The following ARPP19 variants were observed in gnomAD, a reference collection of about 807,000 sequenced individuals.
The protein encoded by ARPP19 is cAMP-regulated phosphoprotein 19.
Under a neutral mutation model 12.0 loss-of-function variants are expected in ARPP19, and 8 were observed. The ratio of observed to expected loss-of-function variants is 0.67; its 90% CI spans 0.39 to 1.21. The LOEUF (loss-of-function observed/expected upper bound fraction) is 1.21, where lower values mean the gene tolerates loss of function less well. Ranked by LOEUF, ARPP19 falls within the 50% of genes most tolerant of loss-of-function variation. The pLI, the probability that ARPP19 is intolerant of heterozygous loss-of-function variation, is 0.01. For missense variants in ARPP19, 102 were observed against 136.3 expected (o/e 0.75, Z 1.25); for synonymous variants, 47 against 50.4 (o/e 0.93, Z 0.29).
rs556357674 is a variant in ARPP19 at position 52,553,314 on chromosome 15, TCA to T, written c.169-1212_169-1211del. ...CCCTACTCCACACCTCCTCCATTTTTCACAGAGAGACATGAAGTATGACTACT... is the reference window on the plus strand; with the variant it reads ...CCCTACTCCACACCTCCTCCATTTTTCAGAGAGACATGAAGTATGACTACT... On this transcript the variant is annotated intron_variant, in intron 2 of 2. Transcript: ENST00000249822. Among the ~76,000 whole-genome samples, 224 of 152,314 alleles carry T rather than the reference TCA, an allele frequency of 1.5e-3. 1 individual carries two copies. The highest frequency in any genetic ancestry group is 2.8e-3 in the Non-Finnish European group (190 of 68,008).
upstream of ARPP19, chr15:52,569,046 AAC>A (rs528994600): frequency 3.4e-4 from 209 of 610,552 alleles, 1 homozygote; most frequent in African/African-American, 4.0e-3. Context: ...GGAGCCGCGA[AAC>A]GCTCCGCTGG....
Position 52,568,776 on chromosome 15 carries a change from G to A in ARPP19, c.45+72C>T, listed in dbSNP as rs978671021. ...CCCCGCATCTCGGGCGCGGCCCTCC[G>A]CCTGGCGGGAGCAGGCCGCCCGCCA... On this transcript the variant is annotated intron_variant, in intron 1 of 2. Transcript: ENST00000249822. The A allele has an allele frequency of 5.2e-5, 61 of 1,166,154 alleles. 1 individual carries two copies. Among genetic ancestry groups the A allele is most frequent in the Middle Eastern group, 2.5e-4 (1 of 3,984 alleles). 72.2% of individuals were successfully genotyped at this position (1,166,154 alleles called of 1,614,324 possible). A position where few individuals can be genotyped will look rare whatever the true frequency, so the allele number is the denominator to read the frequency against.
Position 52,554,272 on chromosome 15 carries a change from T to A in ARPP19, c.169-2168A>T, listed in dbSNP as rs550887679. Among the ~76,000 whole-genome samples the A allele has an allele frequency of 2.0e-3, 299 of 151,064 alleles. 3 individuals carry two copies. Among genetic ancestry groups the A allele is most frequent in the Non-Finnish European group, 3.2e-3 (213 of 67,504 alleles). On this transcript the variant is annotated intron_variant, in intron 2 of 2. Coordinates refer to ENST00000249822, the MANE Select transcript of ARPP19 (RefSeq NM_006628.6). ...CTCAATTAACTGTAGATTAGGCTAC[T>A]CTGCTTGGGGGAAAGGAATTAAATT... is the stretch of plus-strand genomic sequence containing the variant.
At chr15:52,555,437 TCTA>T (rs2077972971) in intron 2 of ARPP19, among the ~76,000 whole-genome samples, 1 of 151,998 alleles carries the variant, frequency 6.6e-6, no homozygotes, top group Admixed American at 6.6e-5. Context: ...CAGTTGTCAT[TCTA>T]CTTCTTCTAT....
intron 2 of ARPP19, among the ~76,000 whole-genome samples, chr15:52,554,249 C>G (rs184933891): frequency 6.6e-6 from 1 of 152,012 alleles, no homozygotes; most frequent in Non-Finnish European, 1.5e-5. Flanking sequence ...AAGGGGGTCT[C>G]AATTAACTGT....
chr15:52,556,857 TA>T (rs1463325336), intron 2 of ARPP19: 40 of 368,752 alleles, frequency 1.1e-4, no homozygotes, highest in Middle Eastern at 1.5e-3. Context: ...TGGGTTCTGT[TA>T]TATCTGCACT....
intron 1 of ARPP19, chr15:52,564,077 G>A: frequency 1.5e-6 from 1 of 681,722 alleles, no homozygotes; most frequent in South Asian, 1.9e-5. Context: ...TTCTGGATTA[G>A]AAGTTAAGTA....
rs990269873 is a variant in ARPP19 at position 52,548,187 on chromosome 15, T to C, written c.*3747A>G. 1.8e-4 allele frequency: 28 copies of C among 152,236 alleles called. No individual in the cohort carries two copies. Among genetic ancestry groups the C allele is most frequent in the African/African-American group, 6.8e-4 (28 of 41,466 alleles). The allele number at this position is 152,236 out of a possible 1,614,324, so 9.4% of individuals were successfully genotyped here. A position where few individuals can be genotyped will look rare whatever the true frequency, so the allele number is the denominator to read the frequency against. On this transcript the variant is annotated 3_prime_UTR_variant, in exon 3 of 3. Transcript: ENST00000249822. ...GAAAATTCCAGAAATAAACAATTCA[T>C]GTTTTAAATCATAAGCCGGCCGGGC... is the stretch of plus-strand genomic sequence containing the variant.
chr15:52,567,467 G>A (rs1236195387), intron 1 of ARPP19, among the ~76,000 whole-genome samples: 4 of 152,108 alleles, frequency 2.6e-5, no homozygotes, highest in Non-Finnish European at 5.9e-5. Context: ...AGTGTTTAAG[G>A]CAAACCACCA....
In ARPP19 at chr15:52,547,950, T is replaced by C. The variant is rs2077893178; in HGVS notation, c.*3984A>G. On this transcript the variant is annotated 3_prime_UTR_variant, in exon 3 of 3. Transcript: ENST00000249822. Reference sequence around the variant, plus strand: ...AGGCAAAATGAGGTGAAAGAGAAAATGGAAAGTGGAAAATATGTTTGAACA... The same window carrying C: ...AGGCAAAATGAGGTGAAAGAGAAAACGGAAAGTGGAAAATATGTTTGAACA... 1 of 151,784 alleles carries C rather than the reference T, an allele frequency of 6.6e-6. No individual in the cohort carries two copies. The highest frequency in any genetic ancestry group is 2.4e-5 in the African/African-American group (1 of 41,246). 9.4% of individuals were successfully genotyped at this position (151,784 alleles called of 1,614,324 possible). A position where few individuals can be genotyped will look rare whatever the true frequency, so the allele number is the denominator to read the frequency against.
At chr15:52,564,168 T>C in intron 1 of ARPP19, 1 of 1,512,450 alleles carries the variant, frequency 6.6e-7, no homozygotes, top group Non-Finnish European at 8.9e-7. Flanking sequence ...GAGAAACATT[T>C]AAAAACTTTT....
Position 52,548,158 on chromosome 15 carries a change from T to C in ARPP19, c.*3776A>G, listed in dbSNP as rs1370350563. 2 of 152,238 alleles carry C rather than the reference T, an allele frequency of 1.3e-5. No homozygotes were observed. The highest frequency in any genetic ancestry group is 2.9e-5 in the Non-Finnish European group (2 of 68,042). 9.4% of individuals were successfully genotyped at this position (152,238 alleles called of 1,614,324 possible). On this transcript the variant is annotated 3_prime_UTR_variant, in exon 3 of 3. Transcript: ENST00000249822. ...AGGCAACCTTGGTCCAAAAATATTA[T>C]GTGGAAAATTCCAGAAATAAACAAT...
intron 1 of ARPP19, among the ~76,000 whole-genome samples, chr15:52,559,080 A>G (rs1185634218): frequency 6.6e-6 from 1 of 152,172 alleles, no homozygotes; most frequent in Non-Finnish European, 1.5e-5. Context: ...GAATTTTGAG[A>G]AAAAAGCTGC....
intron 2 of ARPP19, among the ~76,000 whole-genome samples, chr15:52,554,192 C>T (rs901319338): frequency 9.2e-5 from 14 of 152,186 alleles, no homozygotes; most frequent in East Asian, 5.8e-4. Flanking sequence ...ATGTAATAAA[C>T]GCAGTTTCTA....
chr15:52,551,635 A>C lies in ARPP19; in HGVS notation c.*299T>G, dbSNP rs982634299. 4.2e-6 allele frequency: 1 copy of C among 236,086 alleles called. No homozygotes were observed. The highest frequency in any genetic ancestry group is 2.3e-5 in the African/African-American group (1 of 44,156). 14.6% of individuals were successfully genotyped at this position (236,086 alleles called of 1,614,324 possible). A position where few individuals can be genotyped will look rare whatever the true frequency, so the allele number is the denominator to read the frequency against. On this transcript the variant is annotated 3_prime_UTR_variant, in exon 3 of 3. Coordinates refer to ENST00000249822, the MANE Select transcript of ARPP19 (RefSeq NM_006628.6). ...GAAGTAATGAAAGCCAAAACATTAA[A>C]ATTTTAAAACTTGCTTGTTACTTGT...
intron 1 of ARPP19, 56 bp downstream of exon 1, chr15:52,568,792 C>G: frequency 7.3e-7 from 1 of 1,377,022 alleles, no homozygotes; most frequent in Non-Finnish European, 9.7e-7. Flanking sequence ...CGGGAGCAGG[C>G]CGCCCGCCAG....
intron 1 of ARPP19, 84 bp downstream of exon 1, chr15:52,568,764 G>T (rs967634964): frequency 2.1e-6 from 2 of 966,372 alleles, no homozygotes; most frequent in Non-Finnish European, 2.9e-6. Flanking sequence ...CGCATCTCGG[G>T]CGCGGCCCTC....
At chr15:52,557,431 T>TG (rs1398603933) in intron 1 of ARPP19, 1 of 506,982 alleles carries the variant, frequency 2.0e-6, no homozygotes, top group Non-Finnish European at 3.5e-6. Context: ...GTGATGCATG[T>TG]GTAACACCCC....
Position 52,557,274 on chromosome 15 carries a change from A to G in ARPP19, c.46-52T>C, listed in dbSNP as rs938735253. ...CTCTATTACAACTCAGTTATTTAAA[A>G]TAATTCACCTTTAAAAATCTGGATT... On this transcript the variant is annotated intron_variant, in intron 1 of 2. Transcript: ENST00000249822. The G allele has an allele frequency of 1.8e-5, 26 of 1,412,432 alleles. No homozygotes were observed. The Middle Eastern group carries it at 3.1e-3, about 167-fold the overall frequency. 87.5% of individuals were successfully genotyped at this position (1,412,432 alleles called of 1,614,324 possible).
Sources: allele counts gnomAD v4.1 joint callset (sites outside exome capture counted in the v4.1 genomes callset), GRCh38; gene constraint gnomAD v4.1.1; transcripts MANE v1.5; gene names NCBI Gene and HGNC (gene_info 2026-07-23, HGNC 2026-07-21).